The following EIPR1 variants were observed in gnomAD, a reference collection of about 807,000 sequenced individuals.
EIPR1 encodes EARP and GARP complex-interacting protein 1.
Under a neutral mutation model 48.1 loss-of-function variants are expected in EIPR1, and 25 were observed. The ratio of observed to expected loss-of-function variants is 0.52; its 90% CI spans 0.38 to 0.73. The LOEUF (loss-of-function observed/expected upper bound fraction) is 0.73, where lower values mean the gene tolerates loss of function less well. EIPR1 is among the 30% of genes least tolerant of loss of function. EIPR1 has a pLI of 0.00. For synonymous variants in EIPR1, 204 were observed against 201.9 expected, an observed-to-expected ratio of 1.01 and a Z score of -0.09; for missense variants, 415 against 506.2, an observed-to-expected ratio of 0.82 and a Z score of 1.73.
intron 3 of EIPR1, among the ~76,000 whole-genome samples, chr2:3,296,217 ACACCCTCCATC>A (rs1217209606): frequency 3.6e-5 from 4 of 112,018 alleles, no homozygotes; most frequent in African/African-American, 1.1e-4. Context: ...CTCTACACAG[ACACCCTCCATC>A]CAGCCCATCC....
intron 1 of EIPR1, among the ~76,000 whole-genome samples, chr2:3,364,494 G>T (rs368795183): frequency 3.9e-5 from 6 of 152,036 alleles, no homozygotes; most frequent in African/African-American, 1.4e-4. Flanking sequence ...AATTAACCTG[G>T]TGTGATGATG....
intron 3 of EIPR1, chr2:3,274,514 G>T (rs1667791336): frequency 5.0e-6 from 7 of 1,397,958 alleles, no homozygotes; most frequent in Non-Finnish European, 6.6e-6. Context: ...CCTACTTGGG[G>T]TATAAATAAA....
chr2:3,303,321 G>A (rs1051428890), intron 3 of EIPR1, among the ~76,000 whole-genome samples: 13 of 152,218 alleles, frequency 8.5e-5, no homozygotes, highest in African/African-American at 3.1e-4. Flanking sequence ...CAAGCTCGGA[G>A]CCTCACCAGG....
chr2:3,248,658 CA>C (rs1421426061), intron 4 of EIPR1, among the ~76,000 whole-genome samples: 1 of 152,160 alleles, frequency 6.6e-6, no homozygotes, highest in East Asian at 1.9e-4. Context: ...CCCAGCTACT[CA>C]GGGGGCTGAG....
At chr2:3,365,740 C>G (rs999207545) in intron 1 of EIPR1, among the ~76,000 whole-genome samples, 1 of 150,872 alleles carries the variant, frequency 6.6e-6, no homozygotes, top group African/African-American at 2.4e-5. Flanking sequence ...CATCTTGCAC[C>G]GCCCTTAATC....
At chr2:3,219,122 C>A (rs1243662336) in intron 4 of EIPR1, among the ~76,000 whole-genome samples, 3 of 147,638 alleles carry the variant, frequency 2.0e-5, no homozygotes, top group Non-Finnish European at 3.0e-5. Context: ...CCAGCATGGC[C>A]CTGGTATACT....
intron 6 of EIPR1, 73 bp from the exon 7 acceptor site, chr2:3,194,239 A>G (rs955399583): frequency 5.7e-6 from 9 of 1,565,466 alleles, no homozygotes; most frequent in Non-Finnish European, 7.8e-6. Context: ...CTGCGGGCAC[A>G]CACTGGTTTC....
At chr2:3,355,359 G>A (rs1245837951) in intron 1 of EIPR1, among the ~76,000 whole-genome samples, 1 of 152,202 alleles carries the variant, frequency 6.6e-6, no homozygotes, top group Non-Finnish European at 1.5e-5. Context: ...AGACCAACCT[G>A]CACAGGCTAA....
intron 3 of EIPR1, among the ~76,000 whole-genome samples, chr2:3,294,520 T>A (rs1220880873): frequency 3.1e-5 from 3 of 96,986 alleles, no homozygotes; most frequent in Admixed American, 1.2e-4. Context: ...CGATCCTCTC[T>A]GCACACACCC....
At chr2:3,345,948 AACCACC>A (rs539173395) in intron 2 of EIPR1, among the ~76,000 whole-genome samples, 1 of 152,006 alleles carries the variant, frequency 6.6e-6, no homozygotes, top group Non-Finnish European at 1.5e-5. Flanking sequence ...GTCCAGTGAA[AACCACC>A]ACCACCACCA....
rs1441990752 is a variant in EIPR1 at position 3,312,623 on chromosome 2, T to C, written c.259+25394A>G. On this transcript the variant is annotated intron_variant, in intron 3 of 8. Coordinates refer to ENST00000382125, the MANE Select transcript of EIPR1 (RefSeq NM_003310.5). The surrounding 1 kb of genome is among the most constrained non-coding windows in gnomAD (Gnocchi z 5.5). ...ATCCCTAGCTTTGCAGGTAAAGCTT[T>C]GCAGGGAGAAGGACCCACGATGCCA... Among the ~76,000 whole-genome samples the C allele has an allele frequency of 6.6e-6, 1 of 152,198 alleles. No homozygotes were observed. Among genetic ancestry groups the C allele is most frequent in the Admixed American group, 6.5e-5 (1 of 15,288 alleles).
At chr2:3,338,902 A>C (rs1670148980) in intron 2 of EIPR1, among the ~76,000 whole-genome samples, 1 of 152,240 alleles carries the variant, frequency 6.6e-6, no homozygotes, top group African/African-American at 2.4e-5. Context: ...TTTTAAAAGT[A>C]AATTTGTACT....
intron 3 of EIPR1, among the ~76,000 whole-genome samples, chr2:3,269,209 C>T (rs975777319): frequency 6.6e-6 from 1 of 152,002 alleles, no homozygotes; most frequent in African/African-American, 2.4e-5. Context: ...TCATCACACT[C>T]AATCATCGCA....
intron 3 of EIPR1, among the ~76,000 whole-genome samples, chr2:3,295,678 C>T (rs1216842463): frequency 7.2e-6 from 1 of 139,260 alleles, no homozygotes; most frequent in Admixed American, 7.1e-5. Flanking sequence ...CACACACACC[C>T]TCCATGCAGC....
At chr2:3,201,026 G>A (rs924676100) in intron 5 of EIPR1, among the ~76,000 whole-genome samples, 8 of 152,186 alleles carry the variant, frequency 5.3e-5, no homozygotes, top group Non-Finnish European at 1.2e-4. Flanking sequence ...TTGAACCTGA[G>A]GAGCCTGGGG....
chr2:3,338,799 C>T lies in EIPR1; in HGVS notation c.127-650G>A, dbSNP rs371487377. Among the ~76,000 whole-genome samples, 222 of 152,184 alleles carry T rather than the reference C, an allele frequency of 1.5e-3. 3 individuals are homozygous for T. Among genetic ancestry groups the T allele is most frequent in the African/African-American group, 9.7e-4 (40 of 41,434 alleles). The stretch of plus-strand genomic sequence containing the variant: ...TATAAGAAAGTTAAATATACTATCT[C>T]CATGCTTTCCAGGATAACTTTTAGA... On this transcript the variant is annotated intron_variant, in intron 2 of 8. Transcript: ENST00000382125.
At chr2:3,299,649 C>CAT (rs1668710045) in intron 3 of EIPR1, among the ~76,000 whole-genome samples, 1 of 151,864 alleles carries the variant, frequency 6.6e-6, no homozygotes, top group South Asian at 2.1e-4. Context: ...CACACACACA[C>CAT]ACACACACAC....
intron 3 of EIPR1, among the ~76,000 whole-genome samples, chr2:3,257,799 T>C (rs1049361006): frequency 6.6e-6 from 1 of 152,202 alleles, no homozygotes; most frequent in Non-Finnish European, 1.5e-5. Context: ...AAAGATATAA[T>C]CACCACGCAC....
At chr2:3,313,019 C>T (rs185821932) in intron 3 of EIPR1, among the ~76,000 whole-genome samples, 187 of 152,338 alleles carry the variant, frequency 1.2e-3, no homozygotes, top group Non-Finnish European at 2.2e-3. Flanking sequence ...CTTCGCACCT[C>T]AGCTTCAACA....
Sources: gnomAD v4.1 joint callset for allele counts (sites outside exome capture counted in the v4.1 genomes callset) on GRCh38, gnomAD v4.1.1 for gene constraint, Gnocchi (gnomAD v3.1) non-coding constraint, MANE v1.5 for transcripts, NCBI Gene and HGNC (gene_info 2026-07-23, HGNC 2026-07-21) for gene names.